Variants in HYDIN observed in about 807,000 individuals in gnomAD.
HYDIN encodes the protein axonemal central pair apparatus protein HYDIN.
Under a neutral mutation model 403.9 loss-of-function variants are expected in HYDIN, and 132 were observed. That is an observed-to-expected ratio of 0.33 (90% CI 0.28 to 0.38). The LOEUF (loss-of-function observed/expected upper bound fraction) is 0.38, where lower values mean the gene tolerates loss of function less well. HYDIN is among the 10% of genes least tolerant of loss of function. The pLI is 1.00. For missense variants in HYDIN, 2,827 were observed against 5,009.5 expected (o/e 0.56, Z 13.15); for synonymous variants, 1,202 against 1,891.7 (o/e 0.64, Z 9.46).
Position 70,883,995 on chromosome 16 carries a change from C to A in HYDIN, c.9904G>T (p.Asp3302Tyr). 1 of 1,614,170 alleles carries A rather than the reference C, an allele frequency of 6.2e-7. No individual in the cohort carries two copies. The highest frequency in any genetic ancestry group is 8.5e-7 in the Non-Finnish European group (1 of 1,180,042). ...MGKCEEFIAIDISGRDPAVHP... is the reference protein window; with the variant it reads ...MGKCEEFIAIYISGRDPAVHP... ...ACTGCAGGGTCTCGGCCGGAGATAT[C>A]GATGGCTATAAACTCCTCACACTTT... The change falls in exon 59 of 86, where the codon GAT becomes TAT. Residue 3302 changes from aspartate to tyrosine, a missense_variant. Transcript: ENST00000393567.
At chr16:71,105,916 T>C (rs1293808778) in intron 10 of HYDIN, among the ~76,000 whole-genome samples, 2 of 117,580 alleles carry the variant, frequency 1.7e-5, no homozygotes, top group Admixed American at 9.3e-5. Flanking sequence ...TTTATAAATA[T>C]CTAGCATACA....
intron 1 of HYDIN, among the ~76,000 whole-genome samples, chr16:71,189,534 G>A (rs1337375238): frequency 1.3e-5 from 2 of 152,086 alleles, no homozygotes; most frequent in Non-Finnish European, 2.9e-5. Context: ...TTGGGAGGCC[G>A]AGGCAGGCGG....
Position 70,809,815 on chromosome 16 carries a change from A to G in HYDIN, c.14851T>C (p.Tyr4951His). 6.2e-7 allele frequency: 1 copy of G among 1,614,148 alleles called. No homozygotes were observed. Residue 4951 changes from tyrosine to histidine, a missense_variant, in exon 85 of 86, where the codon TAC becomes CAC. Coordinates refer to ENST00000393567, the MANE Select transcript of HYDIN (RefSeq NM_001270974.2). Reference protein sequence around the residue: ...SQIILVKFINYTRQRTEYYCR... With the variant: ...SQIILVKFINHTRQRTEYYCR... ...TAGTATTCTGTCCTCTGCCGTGTGT[A>G]ATTGATGAACTTCACAAGGATGATT...
intron 23 of HYDIN, among the ~76,000 whole-genome samples, chr16:70,995,157 G>A (rs1351413214): frequency 3.3e-5 from 5 of 152,148 alleles, no homozygotes; most frequent in Non-Finnish European, 7.3e-5. Flanking sequence ...AGGACTTTAC[G>A]TTATTAAAAC....
At chr16:70,994,161 A>T (rs2079449728) in intron 23 of HYDIN, among the ~76,000 whole-genome samples, 1 of 152,118 alleles carries the variant, frequency 6.6e-6, no homozygotes, top group Non-Finnish European at 1.5e-5. Context: ...ACTGTATGGA[A>T]GGAGGATCCA....
chr16:70,831,315 AC>A (rs2036967733), intron 80 of HYDIN, among the ~76,000 whole-genome samples: 1 of 151,396 alleles, frequency 6.6e-6, no homozygotes, highest in Non-Finnish European at 1.5e-5. Flanking sequence ...TTTGAGACCA[AC>A]CCGGCCAACA....
At chr16:71,108,418 GTA>G (rs927143272) in intron 10 of HYDIN, among the ~76,000 whole-genome samples, 46 of 152,180 alleles carry the variant, frequency 3.0e-4, no homozygotes, top group Admixed American at 3.0e-3. Context: ...AGTGAGAGGA[GTA>G]TGATTGGGAA....
chr16:71,073,227 A>G (rs6499435), intron 13 of HYDIN, among the ~76,000 whole-genome samples: 131,736 of 151,988 alleles, frequency 0.87, 57,529 homozygotes, highest in African/African-American at 0.97. Flanking sequence ...TCCCTTGCGT[A>G]CTTTTGTTTT....
intron 42 of HYDIN, among the ~76,000 whole-genome samples, chr16:70,942,208 AGAGACAGGGTTTCAC>A (rs1025238008): frequency 6.6e-6 from 1 of 150,460 alleles, no homozygotes; most frequent in Non-Finnish European, 1.5e-5. Flanking sequence ...TATTTTTAGT[AGAGACAGGGTTTCAC>A]CATGTTGACC....
At chr16:71,205,115 C>A (rs1444906351) in intron 1 of HYDIN, among the ~76,000 whole-genome samples, 1 of 152,148 alleles carries the variant, frequency 6.6e-6, no homozygotes, top group Non-Finnish European at 1.5e-5. Context: ...CCTTACCAGC[C>A]AATGAGATAG....
intron 52 of HYDIN, among the ~76,000 whole-genome samples, chr16:70,903,132 CAGGACACGT>C (rs1157727409): frequency 1.5e-5 from 2 of 134,032 alleles, no homozygotes; most frequent in Admixed American, 1.5e-4. Flanking sequence ...TTAAAGAATG[CAGGACACGT>C]ATCATAACAA....
At chr16:71,222,001 C>T (rs1277044167) in intron 1 of HYDIN, among the ~76,000 whole-genome samples, 1 of 152,082 alleles carries the variant, frequency 6.6e-6, no homozygotes, top group Non-Finnish European at 1.5e-5. Context: ...TATTTTTGTA[C>T]CTCATTTCTA....
intron 10 of HYDIN, among the ~76,000 whole-genome samples, chr16:71,110,708 G>A (rs1358840369): frequency 6.7e-6 from 1 of 150,176 alleles, no homozygotes; most frequent in Non-Finnish European, 1.5e-5. Flanking sequence ...ACAGGCTTGG[G>A]TCAGGGAGCC....
At chr16:70,889,458 G>A in intron 58 of HYDIN, 129 bp downstream of exon 58, 1 of 169,970 alleles carries the variant, frequency 5.9e-6, no homozygotes, top group South Asian at 1.0e-4. Flanking sequence ...TGACATTTCA[G>A]TATAATTATT....
intron 45 of HYDIN, among the ~76,000 whole-genome samples, chr16:70,932,304 G>A (rs1276493066): frequency 6.6e-6 from 1 of 152,138 alleles, no homozygotes; most frequent in African/African-American, 2.4e-5. Flanking sequence ...GCAGTGAGCC[G>A]AGATCGAGCC....
At chr16:70,872,586 T>A (rs933515734) in intron 64 of HYDIN, among the ~76,000 whole-genome samples, 3 of 144,826 alleles carry the variant, frequency 2.1e-5, no homozygotes, top group African/African-American at 7.7e-5. Flanking sequence ...TCATCATCCA[T>A]CCACCCACCC....
chr16:71,164,670 C>T (rs2144610885), intron 5 of HYDIN, among the ~76,000 whole-genome samples: 1 of 85,240 alleles, frequency 1.2e-5, no homozygotes, highest in South Asian at 5.2e-4. Context: ...TCATAACCAG[C>T]TGCCCAGTCA....
intron 47 of HYDIN, among the ~76,000 whole-genome samples, chr16:70,909,984 G>A (rs546900996): frequency 2.5e-4 from 38 of 150,428 alleles, no homozygotes; most frequent in African/African-American, 8.1e-4. Flanking sequence ...GAGCCACCGC[G>A]CCTGGCCTCA....
At chr16:71,172,834 T>G (rs2086521904) in intron 5 of HYDIN, among the ~76,000 whole-genome samples, 1 of 152,208 alleles carries the variant, frequency 6.6e-6, no homozygotes, top group South Asian at 2.1e-4. Context: ...GAAAAAAGCA[T>G]GTACTTTGGC....
Sources: allele counts gnomAD v4.1 joint callset (sites outside exome capture counted in the v4.1 genomes callset), GRCh38; gene constraint gnomAD v4.1.1; transcripts MANE v1.5; gene names NCBI Gene and HGNC (gene_info 2026-07-23, HGNC 2026-07-21).